Variants in TSC22D3 observed in about 807,000 individuals in gnomAD.
The protein encoded by TSC22D3 is TSC22 domain family member 3.
Under a neutral mutation model 11.1 loss-of-function variants are expected in TSC22D3, and 4 were observed. The ratio of observed to expected loss-of-function variants is 0.36; its 90% confidence interval spans 0.18 to 0.83. The LOEUF is 0.83. Ranked by LOEUF, TSC22D3 falls within the 40% of genes least tolerant of loss-of-function variation. TSC22D3 has a pLI of 0.48. For synonymous variants in TSC22D3, 77 were observed against 70.3 expected (o/e 1.10, Z -0.48); for missense variants, 118 against 159.4 (o/e 0.74, Z 1.40).
At chrX:107,753,003 G>A (rs1364088864) in intron 1 of TSC22D3, among the ~76,000 whole-genome samples, 1 of 112,173 alleles carries the variant, frequency 8.9e-6, no homozygotes, top group Non-Finnish European at 1.9e-5. Flanking sequence ...CATCCACTCA[G>A]GTTGCCACTA....
intron 1 of TSC22D3, among the ~76,000 whole-genome samples, chrX:107,774,284 A>C (rs1024370852): frequency 1.8e-5 from 2 of 111,418 alleles, no homozygotes; most frequent in African/African-American, 6.5e-5. Context: ...TCTCAAACTG[A>C]AGGACAGCAG....
intron 1 of TSC22D3, among the ~76,000 whole-genome samples, chrX:107,762,341 T>C (rs1221233004): frequency 8.9e-6 from 1 of 112,000 alleles, no homozygotes; most frequent in East Asian, 2.8e-4. Context: ...CCCTACCAGC[T>C]CCTCAGTCCA....
chrX:107,746,865 G>C (rs1928689283), intron 1 of TSC22D3, among the ~76,000 whole-genome samples: 1 of 112,401 alleles, frequency 8.9e-6, no homozygotes, highest in Non-Finnish European at 1.9e-5. Context: ...TGACTGGACA[G>C]CTAGGTGAAC....
At chrX:107,769,640 A>T (rs1929812808) in intron 1 of TSC22D3, among the ~76,000 whole-genome samples, 3 of 110,613 alleles carry the variant, frequency 2.7e-5, no homozygotes, top group African/African-American at 1.0e-4. Flanking sequence ...GGCAAATTTT[A>T]TATCTATTTT....
At chrX:107,762,464 C>G (rs891324573) in intron 1 of TSC22D3, among the ~76,000 whole-genome samples, 1 of 112,037 alleles carries the variant, frequency 8.9e-6, no homozygotes, top group African/African-American at 3.2e-5. Flanking sequence ...AAAACACCTT[C>G]ACCTTTCACA....
chrX:107,769,675 T>C (rs779260587), intron 1 of TSC22D3, among the ~76,000 whole-genome samples: 5 of 109,850 alleles, frequency 4.6e-5, no homozygotes, highest in African/African-American at 1.7e-4. Flanking sequence ...ATATGTACTA[T>C]GTACAATATA....
chrX:107,732,518 A>C (rs777443713), intron 1 of TSC22D3, among the ~76,000 whole-genome samples: 18 of 111,523 alleles, frequency 1.6e-4, no homozygotes, highest in Admixed American at 1.3e-3. Flanking sequence ...CTCAGGTGCC[A>C]AGATGTTCTC....
At chrX:107,766,452 G>C (rs1569454862) in intron 1 of TSC22D3, among the ~76,000 whole-genome samples, 19 of 77,414 alleles carry the variant, frequency 2.5e-4, no homozygotes, top group Non-Finnish European at 2.5e-4. Flanking sequence ...TGGAGTTTCC[G>C]CCCCCCCCCC....
At position 107,755,393 on chromosome X, in the gene TSC22D3, G is replaced by A. The variant is rs142246479; in HGVS notation, c.320+19707C>T. Among the ~76,000 whole-genome samples, 394 of 111,907 alleles carry A rather than the reference G, an allele frequency of 3.5e-3. 2 individuals carry two copies. Among genetic ancestry groups the A allele is most frequent in the African/African-American group, 0.012 (377 of 30,799 alleles). ...ACTGTTCAAGGGACTGGCCAACATAGGAAAGACACACAAGGCTCCTGAGGT... is the reference window on the plus strand; with the variant it reads ...ACTGTTCAAGGGACTGGCCAACATAAGAAAGACACACAAGGCTCCTGAGGT... On this transcript the variant is annotated intron_variant, in intron 1 of 2. Coordinates refer to ENST00000372383, the MANE Select transcript of TSC22D3 (RefSeq NM_198057.3).
chrX:107,723,592 T>C (rs1927466349), intron 1 of TSC22D3, among the ~76,000 whole-genome samples: 1 of 112,293 alleles, frequency 8.9e-6, no homozygotes, highest in Admixed American at 9.4e-5. Flanking sequence ...TCCCAGGGGC[T>C]GAGAAAGAAA....
In TSC22D3 at chrX:107,728,175, G is replaced by T. The variant is rs141935079; in HGVS notation, c.321-12225C>A. 1.3e-4 allele frequency among the ~76,000 whole-genome samples: 15 copies of T among 111,709 alleles called. No homozygotes were observed. In the East Asian group the frequency reaches 3.9e-3, roughly 29 times the overall value. On this transcript the variant is annotated intron_variant, in intron 1 of 2. Transcript: ENST00000372383. Reference sequence around the variant, plus strand: ...ATGCTTAGTAAGAAAAAAAAAAAAGGTTATGTATGTGTTAGGACTTTGCTA... The same window carrying T: ...ATGCTTAGTAAGAAAAAAAAAAAAGTTTATGTATGTGTTAGGACTTTGCTA...
At chrX:107,754,543 C>T (rs1005653358) in intron 1 of TSC22D3, among the ~76,000 whole-genome samples, 14 of 111,829 alleles carry the variant, frequency 1.3e-4, no homozygotes, top group Middle Eastern at 4.6e-3. Flanking sequence ...AAACTCTACC[C>T]AGATACAAGA....
At chrX:107,723,456 C>T (rs1164342316) in intron 1 of TSC22D3, among the ~76,000 whole-genome samples, 3 of 112,644 alleles carry the variant, frequency 2.7e-5, no homozygotes, top group African/African-American at 9.7e-5. Flanking sequence ...ATACTTATCC[C>T]ACCTCTTTCA....
intron 1 of TSC22D3, among the ~76,000 whole-genome samples, chrX:107,759,921 G>C (rs1189255769): frequency 8.9e-6 from 1 of 112,218 alleles, no homozygotes; most frequent in Non-Finnish European, 1.9e-5. Context: ...GGAAATTCAC[G>C]GTCCTGAGTG....
At chrX:107,772,599 C>G (rs1929952562) in intron 1 of TSC22D3, among the ~76,000 whole-genome samples, 1 of 111,276 alleles carries the variant, frequency 9.0e-6, no homozygotes, top group South Asian at 3.8e-4. Flanking sequence ...GTGATCCTGG[C>G]ACTTTGGGAG....
intron 1 of TSC22D3, among the ~76,000 whole-genome samples, chrX:107,724,556 G>A (rs191013626): frequency 8.8e-6 from 1 of 113,212 alleles, no homozygotes; most frequent in Non-Finnish European, 1.9e-5. Context: ...CCTTCCCCAT[G>A]ACCCCAAAGG....
intron 1 of TSC22D3, among the ~76,000 whole-genome samples, chrX:107,758,320 T>A (rs1365384866): frequency 9.0e-6 from 1 of 111,638 alleles, no homozygotes; most frequent in African/African-American, 3.3e-5. Flanking sequence ...ATATCATGCC[T>A]GGCCTGGAAA....
At chrX:107,748,072 C>T (rs1928754645) in intron 1 of TSC22D3, among the ~76,000 whole-genome samples, 1 of 111,784 alleles carries the variant, frequency 8.9e-6, no homozygotes, top group South Asian at 3.7e-4. Context: ...CCACGGCCTT[C>T]TTCACACCCC....
chrX:107,755,672 C>T (rs1052593670), intron 1 of TSC22D3, among the ~76,000 whole-genome samples: 12 of 112,444 alleles, frequency 1.1e-4, no homozygotes, highest in Admixed American at 2.8e-4. Flanking sequence ...AAATCTTATC[C>T]GAATCTGTCA....
Sources: allele counts gnomAD v4.1 joint callset (sites outside exome capture counted in the v4.1 genomes callset), GRCh38; gene constraint gnomAD v4.1.1; transcripts MANE v1.5; gene names NCBI Gene and HGNC (gene_info 2026-07-23, HGNC 2026-07-21).